The following ERBB4 variants were observed in gnomAD, a reference collection of about 807,000 sequenced individuals.
The protein encoded by ERBB4 is receptor tyrosine-protein kinase erbB-4.
Under a neutral mutation model 158.0 loss-of-function variants are expected in ERBB4, and 42 were observed. The ratio of observed to expected loss-of-function variants is 0.27; its 90% CI spans 0.21 to 0.34. The LOEUF is 0.34. Among genes scored for constraint, ERBB4 ranks in the 10% least tolerant of loss-of-function variants. ERBB4 has a pLI of 1.00. For synonymous variants in ERBB4, 583 were observed against 558.7 expected, an observed-to-expected ratio of 1.04 and a Z score of -0.61; for missense variants, 1,333 against 1,624.1, an observed-to-expected ratio of 0.82 and a Z score of 3.08.
rs190616608 is a variant in ERBB4 at position 211,511,332 on chromosome 2, A to G, written c.2487+50571T>C. ...GTAATGTGATTTGACAGCAATGTCA[A>G]AATTTTTAGTTATTATGATTGTGTT... On this transcript the variant is annotated intron_variant, in intron 20 of 27. Transcript: ENST00000342788. Among the ~76,000 whole-genome samples, 49 of 152,192 alleles carry G rather than the reference A, an allele frequency of 3.2e-4. 2 individuals carry two copies. In the East Asian group the frequency reaches 8.9e-3, roughly 28 times the overall value.
At chr2:212,419,359 T>A (rs562205986) in intron 1 of ERBB4, among the ~76,000 whole-genome samples, 33 of 151,972 alleles carry the variant, frequency 2.2e-4, no homozygotes, top group African/African-American at 7.2e-4. Context: ...ATAGGAAAAT[T>A]TGCAGACATC....
chr2:211,610,586 C>A (rs12104775), intron 19 of ERBB4, among the ~76,000 whole-genome samples: 122,048 of 152,052 alleles, frequency 0.8, 50,348 homozygotes, highest in Non-Finnish European at 0.9. Context: ...CCTAAGTCAT[C>A]ATAAGTATCG....
intron 1 of ERBB4, among the ~76,000 whole-genome samples, chr2:212,425,475 G>A (rs897962507): frequency 1.4e-5 from 2 of 142,622 alleles, no homozygotes; most frequent in African/African-American, 2.8e-5. Context: ...CAAAGTAATT[G>A]TATATTTCTC....
At chr2:211,678,986 AAAAAAT>A in intron 13 of ERBB4, 60 bp downstream of exon 13, 1 of 1,316,572 alleles carries the variant, frequency 7.6e-7, no homozygotes, top group Non-Finnish European at 1.0e-6. Flanking sequence ...AAAAAAAAAA[AAAAAAT>A]CAGAACTAAT....
chr2:212,346,342 A>G (rs1423941281), intron 1 of ERBB4, among the ~76,000 whole-genome samples: 3 of 151,998 alleles, frequency 2.0e-5, no homozygotes, highest in African/African-American at 7.2e-5. Context: ...TTGGCAAAGA[A>G]CGTGAAGTAA....
chr2:212,286,767 A>ATTTTTGTTTTTTTTTTTTTTTTT (rs2085995199), intron 1 of ERBB4, among the ~76,000 whole-genome samples: 1 of 39,562 alleles, frequency 2.5e-5, no homozygotes, highest in Non-Finnish European at 4.2e-5. Context: ...ATGAGGGTTA[A>ATTTTTGTTTTTTTTTTTTTTTTT]TTTTTTTTTT....
intron 3 of ERBB4, among the ~76,000 whole-genome samples, chr2:211,893,213 T>A (rs1049037328): frequency 6.9e-6 from 1 of 144,604 alleles, no homozygotes; most frequent in Non-Finnish European, 1.5e-5. Flanking sequence ...AAAACAGAGA[T>A]ATAGATCAAT....
chr2:212,227,159 T>C (rs1053932435), intron 1 of ERBB4, among the ~76,000 whole-genome samples: 2 of 151,200 alleles, frequency 1.3e-5, no homozygotes, highest in African/African-American at 4.9e-5. Context: ...GCAGGAGAAT[T>C]GTTTGAACCC....
In ERBB4 at chr2:212,518,638, G is replaced by A. The variant is rs368796895; in HGVS notation, c.82+19811C>T. 7.2e-5 allele frequency among the ~76,000 whole-genome samples: 11 copies of A among 151,942 alleles called. 1 individual carries two copies. The East Asian group carries it at 1.4e-3, about 19-fold the overall frequency. ...AGAAAAAAATGTGATCTTTTTTTGC[G>A]AAGATCAATCTTGACAATCTACTTA... is the stretch of plus-strand genomic sequence containing the variant. On this transcript the variant is annotated intron_variant, in intron 1 of 27. Coordinates refer to ENST00000342788, the MANE Select transcript of ERBB4 (RefSeq NM_005235.3).
At chr2:211,586,775 T>A (rs931689223) in intron 19 of ERBB4, among the ~76,000 whole-genome samples, 1 of 152,200 alleles carries the variant, frequency 6.6e-6, no homozygotes, top group Non-Finnish European at 1.5e-5. Context: ...TGGCTTTGGC[T>A]GTAGCTGTTT....
intron 3 of ERBB4, among the ~76,000 whole-genome samples, chr2:211,892,694 T>G (rs969976881): frequency 8.2e-5 from 12 of 145,644 alleles, no homozygotes; most frequent in African/African-American, 1.6e-4. Flanking sequence ...CTTAAGCTGA[T>G]AAGCAACTTC....
intron 1 of ERBB4, among the ~76,000 whole-genome samples, chr2:212,486,134 C>A (rs1178524362): frequency 6.6e-6 from 1 of 151,236 alleles, no homozygotes; most frequent in Admixed American, 6.6e-5. Context: ...AAAACAAAAG[C>A]AAATATTAAG....
chr2:212,489,722 C>CATATAT (rs35013848), intron 1 of ERBB4, among the ~76,000 whole-genome samples: 2 of 149,636 alleles, frequency 1.3e-5, no homozygotes, highest in African/African-American at 4.9e-5. Flanking sequence ...AAAATATATA[C>CATATAT]ATATATATAT....
At chr2:212,429,944 T>C (rs924024297) in intron 1 of ERBB4, among the ~76,000 whole-genome samples, 6 of 152,218 alleles carry the variant, frequency 3.9e-5, no homozygotes, top group Admixed American at 3.9e-4. Flanking sequence ...CACTGAAACA[T>C]TAAGTTGGAA....
Position 211,378,706 on chromosome 2 carries a change from C to A in ERBB4, c.*4909G>T, listed in dbSNP as rs551671560. On this transcript the variant is annotated 3_prime_UTR_variant, in exon 28 of 28. Transcript: ENST00000342788. Reference sequence around the variant, plus strand: ...GATCTTTTAAAATTATGCCTGATCTCATCTGTATAATATTTGTTCTTAAGC... The same window carrying A: ...GATCTTTTAAAATTATGCCTGATCTAATCTGTATAATATTTGTTCTTAAGC... 5 of 232,440 alleles carry A rather than the reference C, an allele frequency of 2.2e-5. No homozygotes were observed. The highest frequency in any genetic ancestry group is 1.2e-4 in the East Asian group (2 of 16,468). 14.4% of individuals were successfully genotyped at this position (232,440 alleles called of 1,614,324 possible).
intron 1 of ERBB4, among the ~76,000 whole-genome samples, chr2:212,358,900 A>G (rs1262743581): frequency 6.6e-6 from 1 of 151,802 alleles, no homozygotes; most frequent in Non-Finnish European, 1.5e-5. Flanking sequence ...AAAGATGAAT[A>G]CATTCACTGA....
intron 12 of ERBB4, among the ~76,000 whole-genome samples, chr2:211,684,693 C>A (rs1420165833): frequency 6.6e-6 from 1 of 152,108 alleles, no homozygotes. Flanking sequence ...TCTTTCATGT[C>A]CTGCATGCCA....
intron 4 of ERBB4, among the ~76,000 whole-genome samples, chr2:211,775,975 G>T (rs1277076738): frequency 1.3e-5 from 2 of 152,152 alleles, no homozygotes; most frequent in Non-Finnish European, 1.5e-5. Flanking sequence ...TTGTATCGGG[G>T]TTTGTCTATT....
chr2:211,508,215 AAATCTTTGC>A (rs2065798037), intron 20 of ERBB4, among the ~76,000 whole-genome samples: 1 of 152,180 alleles, frequency 6.6e-6, no homozygotes, highest in South Asian at 2.1e-4. Flanking sequence ...GAATGGGAGA[AAATCTTTGC>A]AATCCACCCA....
Sources: allele counts gnomAD v4.1 joint callset (sites outside exome capture counted in the v4.1 genomes callset), GRCh38; gene constraint gnomAD v4.1.1; transcripts MANE v1.5; gene names NCBI Gene and HGNC (gene_info 2026-07-23, HGNC 2026-07-21).